TERB2: variants seen among roughly 807,000 people sequenced by gnomAD.
TERB2 encodes telomere repeat binding bouquet formation protein 2.
Under a neutral mutation model 29.8 loss-of-function variants are expected in TERB2, and 26 were observed. The ratio of observed to expected loss-of-function variants is 0.87; its 90% CI spans 0.64 to 1.21. TERB2 has a LOEUF of 1.21. TERB2 is among the 50% of genes most tolerant of loss of function. The pLI is 0.00. For synonymous variants in TERB2, 80 were observed against 90.8 expected (o/e 0.88, Z 0.68); for missense variants, 240 against 268.6 (o/e 0.89, Z 0.74).
At chr15:44,964,888 G>A (rs1206966944) in intron 4 of TERB2, among the ~76,000 whole-genome samples, 6 of 151,846 alleles carry the variant, frequency 4.0e-5, no homozygotes, top group East Asian at 1.9e-4. Flanking sequence ...GTGGCTGGGC[G>A]CAGTGGGTCG....
chr15:44,975,759 T>C (rs1253607057), intron 6 of TERB2, among the ~76,000 whole-genome samples: 1 of 151,704 alleles, frequency 6.6e-6, no homozygotes, highest in Non-Finnish European at 1.5e-5. Context: ...TTGCCAAATA[T>C]CCCCCTAAAT....
At chr15:44,971,036 C>CT in intron 5 of TERB2, 2 of 176,950 alleles carry the variant, frequency 1.1e-5, no homozygotes, top group Non-Finnish European at 1.2e-5. Flanking sequence ...TCCTTAAGTC[C>CT]TTTTTTGATG....
intron 4 of TERB2, among the ~76,000 whole-genome samples, chr15:44,963,801 A>G (rs979763519): frequency 7.8e-6 from 1 of 128,236 alleles, no homozygotes; most frequent in Non-Finnish European, 1.6e-5. Flanking sequence ...TTATTATACT[A>G]TTCTTTTTTT....
chr15:44,959,908 C>T (rs2141238732), intron 3 of TERB2, among the ~76,000 whole-genome samples: 1 of 152,250 alleles, frequency 6.6e-6, no homozygotes, highest in African/African-American at 2.4e-5. Context: ...TATAAAAGAG[C>T]CATTAGAAAC....
intron 4 of TERB2, among the ~76,000 whole-genome samples, chr15:44,961,834 G>A (rs1891808593): frequency 6.6e-6 from 1 of 152,072 alleles, no homozygotes; most frequent in Admixed American, 6.5e-5. Flanking sequence ...CAAGTAGCTG[G>A]GATTATGGGC....
At chr15:44,958,311 T>C (rs1445756083) in intron 2 of TERB2, 62 bp from the exon 3 acceptor site, 11 of 1,505,986 alleles carry the variant, frequency 7.3e-6, no homozygotes, top group Non-Finnish European at 9.8e-6. Context: ...TTTATTCTTT[T>C]GAAAGGTTAA....
chr15:44,967,017 T>G (rs1269031448), intron 5 of TERB2, among the ~76,000 whole-genome samples: 1 of 152,158 alleles, frequency 6.6e-6, no homozygotes, highest in East Asian at 1.9e-4. Flanking sequence ...GAGGATCGCT[T>G]GAGCCCAGGA....
chr15:44,960,696 T>C (rs1004678886), intron 3 of TERB2, among the ~76,000 whole-genome samples: 1 of 152,198 alleles, frequency 6.6e-6, no homozygotes. Context: ...ACCTCTCAAT[T>C]TGGATTAACC....
intron 5 of TERB2, among the ~76,000 whole-genome samples, chr15:44,971,556 C>A (rs559001871): frequency 6.6e-6 from 1 of 152,204 alleles, no homozygotes; most frequent in East Asian, 1.9e-4. Flanking sequence ...GAGATTGAGA[C>A]CATCCTGGCA....
intron 4 of TERB2, among the ~76,000 whole-genome samples, chr15:44,963,706 TC>T (rs1382873754): frequency 6.6e-6 from 1 of 151,532 alleles, no homozygotes; most frequent in African/African-American, 2.4e-5. Context: ...TTCAAGTGGT[TC>T]CACAAAAATA....
Position 44,972,098 on chromosome 15 carries a change from T to C in TERB2, c.435-1769T>C, listed in dbSNP as rs770895274. The stretch of plus-strand genomic sequence containing the variant: ...TCCGCCTCCCAGGTTCAAGTGATTC[T>C]CCTGCTTCAGCCTCCTGAGTAGCTG... On this transcript the variant is annotated intron_variant, in intron 5 of 6. Transcript: ENST00000340827. 6.3e-4 allele frequency among the ~76,000 whole-genome samples: 94 copies of C among 149,138 alleles called. 1 individual carries two copies. Among genetic ancestry groups the C allele is most frequent in the Middle Eastern group, 3.5e-3 (1 of 286 alleles).
At chr15:44,961,191 G>GATATATAT (rs34640759) in intron 3 of TERB2, among the ~76,000 whole-genome samples, 435 of 136,400 alleles carry the variant, frequency 3.2e-3, no homozygotes, top group African/African-American at 0.01. Flanking sequence ...ATACCTCAAT[G>GATATATAT]ATATATATAT....
At chr15:44,972,127 T>C (rs538883091) in intron 5 of TERB2, among the ~76,000 whole-genome samples, 49 of 151,752 alleles carry the variant, frequency 3.2e-4, no homozygotes, top group African/African-American at 1.2e-3. Context: ...GTAGCTGGGA[T>C]TACAGGCATG....
intron 6 of TERB2, among the ~76,000 whole-genome samples, chr15:44,975,067 A>G (rs1321811586): frequency 2.0e-5 from 3 of 152,234 alleles, no homozygotes; most frequent in Admixed American, 2.0e-4. Flanking sequence ...TAACATAAAA[A>G]CAAATTTTTA....
At chr15:44,973,012 A>G (rs1255226779) in intron 5 of TERB2, among the ~76,000 whole-genome samples, 1 of 150,958 alleles carries the variant, frequency 6.6e-6, no homozygotes, top group Non-Finnish European at 1.5e-5. Flanking sequence ...CCTTCCGAGT[A>G]GCTGGGATTA....
At chr15:44,964,813 TG>T (rs1299657793) in intron 4 of TERB2, among the ~76,000 whole-genome samples, 3 of 152,014 alleles carry the variant, frequency 2.0e-5, no homozygotes, top group African/African-American at 7.2e-5. Context: ...AGGGTAAATC[TG>T]GGGAGCATTA....
rs981841082 is a variant in TERB2 at position 44,961,614 on chromosome 15, A to T, written c.348+30A>T. On this transcript the variant is annotated intron_variant, in intron 4 of 6. Coordinates refer to ENST00000340827, the MANE Select transcript of TERB2 (RefSeq NM_152448.3). ...GAGTAAATTAAGGTACTTGATTAGC[A>T]TCTACAGCTTCAACATTTTCTGAAA... 11 of 1,452,888 alleles carry T rather than the reference A, an allele frequency of 7.6e-6. No homozygotes were observed. The African/African-American group carries it at 1.3e-4, about 17-fold the overall frequency. 90.0% of individuals were successfully genotyped at this position (1,452,888 alleles called of 1,614,324 possible). A position where few individuals can be genotyped will look rare whatever the true frequency, so the allele number is the denominator to read the frequency against.
chr15:44,960,080 G>A (rs933511936), intron 3 of TERB2, among the ~76,000 whole-genome samples: 1 of 151,904 alleles, frequency 6.6e-6, no homozygotes, highest in Non-Finnish European at 1.5e-5. Context: ...CACCTTCAAG[G>A]AACTTATATT....
chr15:44,967,055 C>T (rs1163723856), intron 5 of TERB2, among the ~76,000 whole-genome samples: 1 of 152,158 alleles, frequency 6.6e-6, no homozygotes, highest in Non-Finnish European at 1.5e-5. Flanking sequence ...GCCGTGATCA[C>T]GCCACTGCAC....
Sources: allele counts gnomAD v4.1 joint callset (sites outside exome capture counted in the v4.1 genomes callset), GRCh38; gene constraint gnomAD v4.1.1; transcripts MANE v1.5; gene names NCBI Gene and HGNC (gene_info 2026-07-23, HGNC 2026-07-21).